The following IQSEC2 variants were observed in gnomAD, a reference collection of about 807,000 sequenced individuals.
IQSEC2 encodes the protein IQ motif and SEC7 domain-containing protein 2.
In IQSEC2, 6 loss-of-function variants were observed where a neutral mutation model predicts 74.6. That is an observed-to-expected ratio of 0.08 (90% CI 0.04 to 0.16). The LOEUF is 0.16. IQSEC2 is among the 10% of genes least tolerant of loss of function. IQSEC2 has a pLI of 1.00. For missense variants in IQSEC2, 734 were observed against 1,306.2 expected (o/e 0.56, Z 6.75); for synonymous variants, 494 against 544.5 (o/e 0.91, Z 1.29).
chrX:53,239,141 G>T (rs782301478), intron 11 of IQSEC2, 54 bp downstream of exon 11: 56 of 915,397 alleles, frequency 6.1e-5, no homozygotes, highest in Admixed American at 2.7e-4. Context: ...TGACGGGTGA[G>T]CATGGGGGCC....
intron 1 of IQSEC2, among the ~76,000 whole-genome samples, chrX:53,309,950 T>C (rs782076654): frequency 9.0e-6 from 1 of 111,630 alleles, no homozygotes; most frequent in South Asian, 3.7e-4. Flanking sequence ...TTTGATTCGT[T>C]AAGTCATTGT....
intron 1 of IQSEC2, among the ~76,000 whole-genome samples, chrX:53,299,792 C>T (rs1400428624): frequency 9.0e-6 from 1 of 111,250 alleles, no homozygotes; most frequent in African/African-American, 3.3e-5. Flanking sequence ...TCTCTGCTGC[C>T]CAGACTAGGA....
At chrX:53,250,024 T>A (rs1602282240) in intron 5 of IQSEC2, among the ~76,000 whole-genome samples, 1 of 111,031 alleles carries the variant, frequency 9.0e-6, no homozygotes. Flanking sequence ...CAGAATCCAT[T>A]TAGTGGGGTC....
At chrX:53,313,794 G>T (rs1356893334) in intron 1 of IQSEC2, among the ~76,000 whole-genome samples, 4 of 111,780 alleles carry the variant, frequency 3.6e-5, no homozygotes, top group African/African-American at 1.3e-4. Flanking sequence ...CAGAAGACTT[G>T]GCATCGAGGG....
chrX:53,228,019 C>G (rs1556857944), downstream of IQSEC2, among the ~76,000 whole-genome samples: 1 of 111,751 alleles, frequency 8.9e-6, no homozygotes, highest in East Asian at 2.8e-4. Flanking sequence ...CTCTACTTTC[C>G]TGGAGCTGAC....
At position 53,236,456 on chromosome X, in the gene IQSEC2, G is replaced by C. The variant is rs1225065604; in HGVS notation, c.3317C>G (p.Ala1106Gly). The change falls in exon 13 of 15, where the codon GCC becomes GGC. Residue 1106 changes from alanine (A) to glycine (G), a missense_variant. Coordinates refer to ENST00000642864, the MANE Select transcript of IQSEC2 (RefSeq NM_001111125.3). The stretch of plus-strand genomic sequence containing the variant: ...GTCCTTGGCCCCTCCAGGCTGTGAG[G>C]CGTTAGGCCGCATCATACCTTTCTG... Reference protein sequence around the residue: ...EKQKGMMRPNASQPGGAKDSV... With the variant: ...EKQKGMMRPNGSQPGGAKDSV... 8.3e-7 allele frequency: 1 copy of C among 1,199,716 alleles called. No homozygotes were observed. Among genetic ancestry groups the C allele is most frequent in the Non-Finnish European group, 1.1e-6 (1 of 889,418 alleles).
intron 2 of IQSEC2, among the ~76,000 whole-genome samples, chrX:53,256,876 G>C (rs1432476394): frequency 8.9e-6 from 1 of 112,467 alleles, no homozygotes. Flanking sequence ...CGCGTGGCAG[G>C]AGCTGGGCCC....
At chrX:53,245,288 C>T (rs2074285350) in intron 8 of IQSEC2, among the ~76,000 whole-genome samples, 1 of 109,469 alleles carries the variant, frequency 9.1e-6, no homozygotes. Context: ...ATTAGTTGGG[C>T]ATGGTGGCAC....
At chrX:53,267,019 GTCTTCC>G in intron 2 of IQSEC2, 6 of 1,154,613 alleles carry the variant, frequency 5.2e-6, no homozygotes, top group Non-Finnish European at 6.9e-6. Flanking sequence ...ACTGGTGAGC[GTCTTCC>G]TCTTCCTCTT....
intron 1 of IQSEC2, among the ~76,000 whole-genome samples, chrX:53,307,295 C>CTTTTTTTTTTTT (rs60909741): frequency 5.4e-4 from 30 of 55,940 alleles, no homozygotes; most frequent in African/African-American, 7.4e-4. Flanking sequence ...TTCTTTCTTT[C>CTTTTTTTTTTTT]TTTTTTTTTT....
In IQSEC2 at chrX:53,305,210, C is replaced by T. The variant is rs138514624; in HGVS notation, c.708-13286G>A. ...CTAGGATTACAAGTGTGACCCACCA[C>T]GCCCGGCCTTATTTATTTTTTTAGA... is the stretch of plus-strand genomic sequence containing the variant. On this transcript the variant is annotated intron_variant, in intron 1 of 14. Coordinates refer to ENST00000642864, the MANE Select transcript of IQSEC2 (RefSeq NM_001111125.3). Among the ~76,000 whole-genome samples the T allele has an allele frequency of 3.1e-3, 335 of 107,854 alleles. 3 individuals carry two copies. Among genetic ancestry groups the T allele is most frequent in the African/African-American group, 0.011 (317 of 29,423 alleles). The allele number at this position is 107,854 out of a possible 115,157, so 93.7% of individuals were successfully genotyped here.
At chrX:53,244,171 G>A (rs782725928) in intron 8 of IQSEC2, among the ~76,000 whole-genome samples, 8 of 105,762 alleles carry the variant, frequency 7.6e-5, no homozygotes, top group African/African-American at 1.0e-4. Context: ...AGCCAAGATC[G>A]CGCCACTGCA....
intron 2 of IQSEC2, among the ~76,000 whole-genome samples, chrX:53,289,510 C>A (rs1360326354): frequency 9.0e-6 from 1 of 111,595 alleles, no homozygotes; most frequent in Non-Finnish European, 1.9e-5. Context: ...TCCGGGGACA[C>A]CCTCCTTATG....
At position 53,241,649 on chromosome X, in the gene IQSEC2, C is replaced by T. The variant is rs1216938608; in HGVS notation, c.3015+135G>A. On this transcript the variant is annotated intron_variant, in intron 10 of 14. Transcript: ENST00000642864. Reference sequence around the variant, plus strand: ...GAGAAGGCCTGGGCCTTGCCTGAGACCATGCAGATGGCATGGCAGAACACC... The same window carrying T: ...GAGAAGGCCTGGGCCTTGCCTGAGATCATGCAGATGGCATGGCAGAACACC... 3 of 890,798 alleles carry T rather than the reference C, an allele frequency of 3.4e-6. No individual in the cohort carries two copies. The African/African-American group carries it at 5.9e-5, about 17-fold the overall frequency. 73.4% of individuals were successfully genotyped at this position (890,798 alleles called of 1,213,427 possible). A position where few individuals can be genotyped will look rare whatever the true frequency, so the allele number is the denominator to read the frequency against.
At chrX:53,307,625 C>T (rs1165186878) in intron 1 of IQSEC2, among the ~76,000 whole-genome samples, 2 of 109,298 alleles carry the variant, frequency 1.8e-5, no homozygotes, top group Non-Finnish European at 3.8e-5. Flanking sequence ...AAGGAGAGGG[C>T]CAGGTATGGT....
At chrX:53,248,294 C>G in intron 6 of IQSEC2, 58 bp from the exon 7 acceptor site, 1 of 1,181,646 alleles carries the variant, frequency 8.5e-7, no homozygotes, top group Non-Finnish European at 1.1e-6. Context: ...AACCTCTGAC[C>G]CACCTGGACC....
chrX:53,274,873 A>C (rs2147222326), intron 2 of IQSEC2, among the ~76,000 whole-genome samples: 1 of 110,798 alleles, frequency 9.0e-6, no homozygotes, highest in South Asian at 3.8e-4. Context: ...CTCCATTTTG[A>C]ATGGGTTTTG....
chrX:53,286,367 GCTCTGACCTCA>G (rs1458930721), intron 2 of IQSEC2, among the ~76,000 whole-genome samples: 2 of 112,317 alleles, frequency 1.8e-5, no homozygotes, highest in African/African-American at 6.5e-5. Flanking sequence ...GAGCCGACCA[GCTCTGACCTCA>G]CTTGGGTACA....
At chrX:53,262,454 T>C (rs1556866736) in intron 2 of IQSEC2, among the ~76,000 whole-genome samples, 1 of 111,840 alleles carries the variant, frequency 8.9e-6, no homozygotes, top group African/African-American at 3.3e-5. Flanking sequence ...ACTATCCCCA[T>C]GACAACTTAG....
Sources: allele counts gnomAD v4.1 joint callset (sites outside exome capture counted in the v4.1 genomes callset), GRCh38; gene constraint gnomAD v4.1.1; transcripts MANE v1.5; gene names NCBI Gene and HGNC (gene_info 2026-07-23, HGNC 2026-07-21).